DLGAP2: variants seen among roughly 807,000 people sequenced by gnomAD.
DLGAP2 encodes disks large-associated protein 2.
DLGAP2 carries 26 observed loss-of-function variants against 100.3 expected under a neutral mutation model. That is an observed-to-expected ratio of 0.26 (90% CI 0.19 to 0.36). The LOEUF is 0.36. DLGAP2 is among the 10% of genes least tolerant of loss of function. DLGAP2 has a pLI of 1.00. For missense variants in DLGAP2, 1,858 were observed against 1,453.2 expected, an observed-to-expected ratio of 1.28 and a Z score of -4.53; for synonymous variants, 886 against 630.1, an observed-to-expected ratio of 1.41 and a Z score of -6.08.
intron 3 of DLGAP2, among the ~76,000 whole-genome samples, chr8:1,377,559 A>G (rs1273311798): frequency 3.3e-5 from 5 of 152,148 alleles, no homozygotes; most frequent in African/African-American, 1.2e-4. Flanking sequence ...AATAAATAAA[A>G]TAAAATAAAG....
At chr8:1,546,367 C>G (rs1278726709) in intron 4 of DLGAP2, among the ~76,000 whole-genome samples, 2 of 152,200 alleles carry the variant, frequency 1.3e-5, no homozygotes, top group Non-Finnish European at 2.9e-5. Flanking sequence ...CGGGATCCCT[C>G]AGGAAATCTT....
intron 3 of DLGAP2, among the ~76,000 whole-genome samples, chr8:1,426,883 T>G (rs905885476): frequency 2.0e-5 from 3 of 146,704 alleles, no homozygotes; most frequent in African/African-American, 7.4e-5. Flanking sequence ...ATTACTCCAA[T>G]GCATATGAAA....
intron 4 of DLGAP2, among the ~76,000 whole-genome samples, chr8:1,521,112 GGCGTCTGGTTT>G (rs1800581441): frequency 6.6e-6 from 1 of 151,920 alleles, no homozygotes; most frequent in African/African-American, 2.4e-5. Context: ...GGTGATATGG[GGCGTCTGGTTT>G]GCACACTTGT....
At chr8:1,439,435 C>T (rs753267027) in intron 3 of DLGAP2, among the ~76,000 whole-genome samples, 2 of 152,148 alleles carry the variant, frequency 1.3e-5, no homozygotes, top group Admixed American at 6.5e-5. Flanking sequence ...TAGTTCCTCA[C>T]GGGAGCCCAC....
intron 3 of DLGAP2, among the ~76,000 whole-genome samples, chr8:1,260,071 T>C (rs2116907060): frequency 1.3e-5 from 2 of 152,266 alleles, no homozygotes; most frequent in South Asian, 4.2e-4. Flanking sequence ...GTGGGGGCTG[T>C]TCCCGGGTGG....
chr8:835,439 C>T (rs1056528004), intron 1 of DLGAP2, among the ~76,000 whole-genome samples: 1 of 151,938 alleles, frequency 6.6e-6, no homozygotes, highest in Admixed American at 6.6e-5. Flanking sequence ...TTAGATTCCC[C>T]ACTGTGCTCC....
chr8:1,251,499 G>C (rs1484650606), intron 2 of DLGAP2, among the ~76,000 whole-genome samples: 1 of 152,188 alleles, frequency 6.6e-6, no homozygotes, highest in African/African-American at 2.4e-5. Flanking sequence ...GTGCACTGGT[G>C]TATTTTGGCT....
intron 2 of DLGAP2, among the ~76,000 whole-genome samples, chr8:929,241 A>C (rs1156452283): frequency 4.5e-4 from 1 of 2,206 alleles, no homozygotes; most frequent in Non-Finnish European, 8.2e-4. Flanking sequence ...CGCCATTCCC[A>C]CTCTAAACAT....
intron 3 of DLGAP2, among the ~76,000 whole-genome samples, chr8:1,434,063 C>G (rs565967483): frequency 6.6e-6 from 1 of 152,138 alleles, no homozygotes; most frequent in Admixed American, 6.5e-5. Context: ...CCAGAAATGG[C>G]GCTGAATGAG....
In DLGAP2 at chr8:1,271,328, A is replaced by T. The variant is rs549959704; in HGVS notation, c.106+12445A>T. Among the ~76,000 whole-genome samples the T allele has an allele frequency of 2.6e-5, 4 of 152,262 alleles. No individual in the cohort carries two copies. The South Asian group carries it at 8.3e-4, about 32-fold the overall frequency. On this transcript the variant is annotated intron_variant, in intron 3 of 14. Transcript: ENST00000637795. The stretch of plus-strand genomic sequence containing the variant: ...CAGCCGGGGGGGTGCGCCCATTTCA[A>T]TGCGATTCTGAAAATTATGCTCTTT...
intron 2 of DLGAP2, among the ~76,000 whole-genome samples, chr8:1,013,660 A>ACGC: frequency 1.6e-5 from 2 of 123,040 alleles, no homozygotes; most frequent in Admixed American, 7.8e-5. Flanking sequence ...ACCAGGACAG[A>ACGC]CGCCTCCACT....
chr8:1,278,570 C>G (rs1356408768), intron 3 of DLGAP2, among the ~76,000 whole-genome samples: 1 of 152,132 alleles, frequency 6.6e-6, no homozygotes, highest in Non-Finnish European at 1.5e-5. Flanking sequence ...TAGTAAAATT[C>G]AGATTTTAAT....
intron 1 of DLGAP2, chr8:893,213 C>T (rs992701094): frequency 6.6e-6 from 1 of 152,170 alleles, no homozygotes; most frequent in Admixed American, 6.5e-5. Context: ...TGCAGAGTGG[C>T]ATGCGATGTG....
chr8:1,305,431 A>G (rs1426144477), intron 3 of DLGAP2, among the ~76,000 whole-genome samples: 2 of 152,180 alleles, frequency 1.3e-5, no homozygotes, highest in Non-Finnish European at 2.9e-5. Flanking sequence ...TACAGTTTTC[A>G]TGAGATGTAA....
At chr8:1,512,334 A>G (rs1159261461) in intron 4 of DLGAP2, among the ~76,000 whole-genome samples, 2 of 152,230 alleles carry the variant, frequency 1.3e-5, no homozygotes, top group Non-Finnish European at 1.5e-5. Context: ...AAAGTTGTTT[A>G]TTTCACACGG....
chr8:935,255 T>G (rs1184656025), intron 2 of DLGAP2, among the ~76,000 whole-genome samples: 2 of 152,240 alleles, frequency 1.3e-5, no homozygotes, highest in East Asian at 3.9e-4. Flanking sequence ...CTCTTTGCCT[T>G]GGACCCAAAG....
Position 1,695,490 on chromosome 8 carries a change from C to T in DLGAP2, c.2797-1657C>T, listed in dbSNP as rs376237677. Among the ~76,000 whole-genome samples the T allele has an allele frequency of 4.9e-4, 69 of 141,144 alleles. No individual in the cohort carries two copies. The East Asian group carries it at 6.2e-3, about 13-fold the overall frequency. The allele number at this position is 141,144 out of a possible 152,430, so 92.6% of individuals were successfully genotyped here. A position where few individuals can be genotyped will look rare whatever the true frequency, so the allele number is the denominator to read the frequency against. The stretch of plus-strand genomic sequence containing the variant: ...CCTGGCACTACAGAAAGAGGGGGCA[C>T]AGCCATGCCCGGCCCTACAGAAAGG... On this transcript the variant is annotated intron_variant, in intron 13 of 14. Coordinates refer to ENST00000637795, the MANE Select transcript of DLGAP2 (RefSeq NM_001346810.2).
rs1440901979 is a variant in DLGAP2 at position 1,632,836 on chromosome 8, G to A, written c.1600G>A (p.Ala534Thr). The A allele has an allele frequency of 6.2e-7, 1 of 1,609,508 alleles. No homozygotes were observed. The highest frequency in any genetic ancestry group is 8.5e-7 in the Non-Finnish European group (1 of 1,177,152). Residue 534 changes from alanine (A) to threonine (T), a missense_variant, in exon 8 of 15, where the codon GCG (alanine) becomes ACG (threonine). By Grantham distance (58) the Ala-to-Thr change is moderately conservative. Transcript: ENST00000637795. Reference sequence around the variant, plus strand: ...CTGTTGATGATTGCAGGTGAGCGAGGCGGAGATCAATGGGCAATTCGAGTC... The same window carrying A: ...CTGTTGATGATTGCAGGTGAGCGAGACGGAGATCAATGGGCAATTCGAGTC... Reference protein sequence around the residue: ...QASCVSQVSEAEINGQFESVC... With the variant: ...QASCVSQVSETEINGQFESVC...
chr8:995,067 A>G (rs1037646813), intron 2 of DLGAP2, among the ~76,000 whole-genome samples: 1 of 152,180 alleles, frequency 6.6e-6, no homozygotes, highest in Non-Finnish European at 1.5e-5. Flanking sequence ...GTCCATAAAC[A>G]TGTCTGTAAA....
Sources: allele counts gnomAD v4.1 joint callset (sites outside exome capture counted in the v4.1 genomes callset), GRCh38; gene constraint gnomAD v4.1.1; transcripts MANE v1.5; gene names NCBI Gene and HGNC (gene_info 2026-07-23, HGNC 2026-07-21).